UBR3: variants seen among roughly 807,000 people sequenced by gnomAD.
The protein encoded by UBR3 is E3 ubiquitin-protein ligase UBR3.
UBR3 carries 85 observed loss-of-function variants against 243.2 expected under a neutral mutation model. That is an observed-to-expected ratio of 0.35 (90% CI 0.29 to 0.42). UBR3 has a LOEUF of 0.42. Ranked by LOEUF, UBR3 falls within the 10% of genes least tolerant of loss-of-function variation. The pLI is 1.00. For missense variants in UBR3, 1,686 were observed against 2,300.8 expected (o/e 0.73, Z 5.47); for synonymous variants, 748 against 799.8 (o/e 0.94, Z 1.09).
chr2:169,943,555 T>G (rs545700131), intron 20 of UBR3, among the ~76,000 whole-genome samples: 27 of 152,200 alleles, frequency 1.8e-4, no homozygotes, highest in African/African-American at 6.0e-4. Context: ...GAGCCCAGAT[T>G]GTGCCACTGC....
intron 36 of UBR3, chr2:170,077,637 G>A (rs1462280335): frequency 4.6e-6 from 2 of 436,040 alleles, no homozygotes; most frequent in Non-Finnish European, 8.2e-6. Context: ...CCAGGCTTGA[G>A]TGCAGTAGAG....
intron 24 of UBR3, chr2:169,964,948 T>C (rs765930979): frequency 2.2e-6 from 1 of 456,954 alleles, no homozygotes; most frequent in Non-Finnish European, 4.4e-6. Context: ...TCGGTTCTTG[T>C]ATGCTGCAGT....
chr2:169,998,577 T>C (rs192280067), intron 26 of UBR3, among the ~76,000 whole-genome samples: 1 of 152,322 alleles, frequency 6.6e-6, no homozygotes, highest in Admixed American at 6.5e-5. Context: ...GCTTACTGGG[T>C]TTCTTCCTGA....
intron 29 of UBR3, among the ~76,000 whole-genome samples, chr2:170,011,560 C>G (rs1180612813): frequency 6.6e-6 from 1 of 151,072 alleles, no homozygotes; most frequent in Non-Finnish European, 1.5e-5. Context: ...ATTTTGTTTG[C>G]TCTTCAGAGG....
At chr2:169,994,275 T>C (rs756337756) in intron 25 of UBR3, 48 bp from the exon 26 acceptor site, 1 of 1,607,740 alleles carries the variant, frequency 6.2e-7, no homozygotes, top group South Asian at 1.1e-5. Flanking sequence ...GTTACAGGTC[T>C]ATGGCACTGA....
intron 23 of UBR3, among the ~76,000 whole-genome samples, chr2:169,954,223 G>GTCTTGTCTTGTCTTC (rs1311219124): frequency 0.028 from 3,475 of 124,186 alleles, 58 homozygotes; most frequent in African/African-American, 0.058. Context: ...GTCTTGTCTT[G>GTCTTGTCTTGTCTTC]TCTTCTCTTC....
chr2:169,845,903 C>A (rs2105288895), intron 1 of UBR3, among the ~76,000 whole-genome samples: 1 of 152,066 alleles, frequency 6.6e-6, no homozygotes, highest in African/African-American at 2.4e-5. Context: ...TAATTTAATT[C>A]CATTATAGTG....
intron 35 of UBR3, among the ~76,000 whole-genome samples, chr2:170,063,501 C>T (rs889173052): frequency 2.0e-5 from 3 of 152,144 alleles, no homozygotes; most frequent in Admixed American, 6.5e-5. Flanking sequence ...CCCTTATCTG[C>T]GATTTTGCTG....
chr2:169,888,485 A>G (rs1240532386), intron 5 of UBR3, among the ~76,000 whole-genome samples: 1 of 152,166 alleles, frequency 6.6e-6, no homozygotes, highest in Non-Finnish European at 1.5e-5. Flanking sequence ...GATTTTATGT[A>G]TGTCATATTT....
At chr2:170,053,366 C>G (rs1010727621) in intron 32 of UBR3, among the ~76,000 whole-genome samples, 4 of 152,134 alleles carry the variant, frequency 2.6e-5, no homozygotes, top group East Asian at 1.9e-4. Context: ...AATGAGATAC[C>G]CTGGTATCCA....
chr2:169,908,772 G>C (rs1048091812), intron 10 of UBR3, among the ~76,000 whole-genome samples: 1 of 151,764 alleles, frequency 6.6e-6, no homozygotes, highest in East Asian at 1.9e-4. Context: ...TGTTTGTCGT[G>C]GGGGAGATAA....
At chr2:169,932,804 A>C (rs1290046213) in intron 18 of UBR3, 108 bp from the exon 19 acceptor site, 26 of 951,276 alleles carry the variant, frequency 2.7e-5, no homozygotes, top group Non-Finnish European at 3.9e-5. Context: ...AATCAGATTA[A>C]ATTGTTCTGT....
intron 32 of UBR3, among the ~76,000 whole-genome samples, chr2:170,046,747 G>T (rs747284033): frequency 1.3e-5 from 2 of 151,820 alleles, no homozygotes; most frequent in Non-Finnish European, 2.9e-5. Context: ...TTACACATTG[G>T]TAAAGTTGAT....
intron 17 of UBR3, among the ~76,000 whole-genome samples, chr2:169,928,435 T>C (rs2085990530): frequency 6.6e-6 from 1 of 152,096 alleles, no homozygotes; most frequent in South Asian, 2.1e-4. Context: ...TTTTAAAAGT[T>C]TTTCTATCGT....
At chr2:169,851,386 C>T (rs1412907574) in intron 1 of UBR3, among the ~76,000 whole-genome samples, 2 of 152,208 alleles carry the variant, frequency 1.3e-5, no homozygotes, top group Non-Finnish European at 2.9e-5. Context: ...GCCTCAACCT[C>T]CCAAAGCATT....
intron 31 of UBR3, among the ~76,000 whole-genome samples, chr2:170,034,008 CTT>C (rs781761883): frequency 5.9e-5 from 5 of 84,118 alleles, no homozygotes; most frequent in Admixed American, 2.4e-4. Flanking sequence ...TTTTTAAAGA[CTT>C]TGGTTTGTTT....
chr2:170,078,277 A>G (rs760595789), intron 36 of UBR3: 2 of 376,708 alleles, frequency 5.3e-6, no homozygotes, highest in Non-Finnish European at 1.0e-5. Flanking sequence ...GTAATTCAAT[A>G]TATTTGATCT....
chr2:169,925,654 A>G lies in UBR3; in HGVS notation c.2058A>G (p.Val686=). Residue 686 remains valine (V), a synonymous_variant, in exon 14 of 39, where the codon GTA becomes GTG. Transcript: ENST00000272793. ...SLAEIHSNMW[V]RNGLQIKGQA... ...CAGAAATCCACAGCAATATGTGGGTAAGAAATGGTCTGCAAATCAAAGGAC... is the reference window on the plus strand; with the variant it reads ...CAGAAATCCACAGCAATATGTGGGTGAGAAATGGTCTGCAAATCAAAGGAC... 6.4e-7 allele frequency: 1 copy of G among 1,551,282 alleles called. No individual in the cohort carries two copies. The highest frequency in any genetic ancestry group is 1.2e-5 in the South Asian group (1 of 83,978).
chr2:169,971,774 G>C (rs145465875), intron 24 of UBR3, among the ~76,000 whole-genome samples: 4 of 152,068 alleles, frequency 2.6e-5, no homozygotes, highest in African/African-American at 9.7e-5. Context: ...AGTGTGTAGA[G>C]GGAAATTTAT....
Sources: gnomAD v4.1 joint callset for allele counts (sites outside exome capture counted in the v4.1 genomes callset) on GRCh38, gnomAD v4.1.1 for gene constraint, MANE v1.5 for transcripts, NCBI Gene and HGNC (gene_info 2026-07-23, HGNC 2026-07-21) for gene names.